The following LIPF variants were observed in gnomAD, a reference collection of about 807,000 sequenced individuals.
LIPF encodes the protein lipase F, gastric type, also known as gastric triacylglycerol lipase.
In LIPF, 25 loss-of-function variants were observed where a neutral mutation model predicts 38.0. The ratio of observed to expected loss-of-function variants is 0.66; its 90% CI spans 0.48 to 0.92. The LOEUF (loss-of-function observed/expected upper bound fraction) is 0.92, where lower values mean the gene tolerates loss of function less well. LIPF is among the 40% of genes least tolerant of loss of function. The pLI is 0.00. For missense variants in LIPF, 410 were observed against 469.9 expected (o/e 0.87, Z 1.18); for synonymous variants, 161 against 156.2 (o/e 1.03, Z -0.23).
intron 3 of LIPF, among the ~76,000 whole-genome samples, chr10:88,668,298 T>A (rs1841544533): frequency 6.6e-6 from 1 of 152,210 alleles, no homozygotes; most frequent in Non-Finnish European, 1.5e-5. Context: ...AGAATATAAT[T>A]TTTTCAATAG....
chr10:88,671,282 T>C (rs1253209299), intron 5 of LIPF, among the ~76,000 whole-genome samples: 1 of 152,206 alleles, frequency 6.6e-6, no homozygotes, highest in Non-Finnish European at 1.5e-5. Context: ...AACAATCTAA[T>C]GAAGCACTCA....
intron 1 of LIPF, among the ~76,000 whole-genome samples, chr10:88,665,132 T>G (rs1381858359): frequency 1.3e-5 from 2 of 152,170 alleles, no homozygotes; most frequent in Non-Finnish European, 2.9e-5. Flanking sequence ...CTCCACTACT[T>G]TCTATATATT....
chr10:88,664,831 T>C (rs1343707502), intron 1 of LIPF, among the ~76,000 whole-genome samples: 2 of 152,238 alleles, frequency 1.3e-5, no homozygotes, highest in Non-Finnish European at 2.9e-5. Flanking sequence ...TGAGAAGGAA[T>C]AGATCAGTAA....
chr10:88,666,641 G>A (rs1403964577), intron 1 of LIPF, among the ~76,000 whole-genome samples: 1 of 152,092 alleles, frequency 6.6e-6, no homozygotes, highest in Non-Finnish European at 1.5e-5. Flanking sequence ...AAGATACCTT[G>A]AGGCCAGGAG....
chr10:88,667,489 TA>T, intron 2 of LIPF, 79 bp from the exon 3 acceptor site: 1 of 1,056,076 alleles, frequency 9.5e-7, no homozygotes, highest in South Asian at 1.4e-5. Flanking sequence ...TATGACCAAT[TA>T]AAAATAAACA....
intron 3 of LIPF, among the ~76,000 whole-genome samples, chr10:88,668,114 A>C (rs965061520): frequency 2.0e-5 from 3 of 152,116 alleles, no homozygotes; most frequent in African/African-American, 7.2e-5. Context: ...AAGATGGGGA[A>C]CCAATTCAAG....
At chr10:88,678,077 A>T (rs1247022765) in intron 9 of LIPF, among the ~76,000 whole-genome samples, 2 of 152,168 alleles carry the variant, frequency 1.3e-5, no homozygotes, top group Non-Finnish European at 2.9e-5. Context: ...TTGAGTTGCA[A>T]TCTATGTTCT....
chr10:88,675,761 T>G, intron 8 of LIPF, 104 bp downstream of exon 8: 1 of 704,710 alleles, frequency 1.4e-6, no homozygotes, highest in Non-Finnish European at 2.4e-6. Context: ...ACCTGGAAGG[T>G]AATTTTTCTG....
At chr10:88,676,923 G>A (rs17333942) in intron 9 of LIPF, among the ~76,000 whole-genome samples, 1,747 of 152,272 alleles carry the variant, frequency 0.011, 20 homozygotes, top group South Asian at 0.014. Flanking sequence ...TTGTTGACAG[G>A]ATTTAGTGCT....
intron 3 of LIPF, 126 bp from the exon 4 acceptor site, chr10:88,668,432 C>A: frequency 1.2e-6 from 1 of 821,852 alleles, no homozygotes; most frequent in African/African-American, 1.7e-5. Context: ...ATAAGATATT[C>A]AAAAATAATC....
rs1841286713 is a variant in LIPF, at chr10:88,669,909, GCTACA to G, written c.499_503del (p.His167CysfsTer22). ...TTGTAAAGAAAACTGGACAGAAGCA[GCTACA>G]CTATGTTGGCCATTCCCAGGGCACC... On this transcript the variant is annotated frameshift_variant, in exon 5 of 10. Transcript: ENST00000238983. LOFTEE classifies it high-confidence loss of function. 6.2e-7 allele frequency: 1 copy of G among 1,613,432 alleles called. No individual in the cohort carries two copies. The highest frequency in any genetic ancestry group is 8.5e-7 in the Non-Finnish European group (1 of 1,179,502).
rs1317243167 is a variant in LIPF at position 88,678,587 on chromosome 10, C to T, written c.1103C>T (p.Pro368Leu). 1 of 1,613,908 alleles carries T rather than the reference C, an allele frequency of 6.2e-7. No individual in the cohort carries two copies. Among genetic ancestry groups the T allele is most frequent in the Admixed American group, 1.7e-5 (1 of 59,994 alleles). Reference sequence around the variant, plus strand: ...AATCTTATTTACCACAAGGAGATTCCTTTTTACAATCACTTGGACTTTATC... The same window carrying T: ...AATCTTATTTACCACAAGGAGATTCTTTTTTACAATCACTTGGACTTTATC... ...LPNLIYHKEI[P>L]FYNHLDFIWA... The change falls in exon 10 of 10, where the codon CCT (proline) becomes CTT (leucine). Residue 368 changes from proline (P) to leucine (L), a missense_variant. Transcript: ENST00000238983.
At position 88,678,539 on chromosome 10, in the gene LIPF, G is replaced by A; in HGVS notation, c.1055G>A (p.Gly352Asp). 6.2e-7 allele frequency: 1 copy of A among 1,613,966 alleles called. No homozygotes were observed. Among genetic ancestry groups the A allele is most frequent in the Non-Finnish European group, 8.5e-7 (1 of 1,179,926 alleles). ...KDLLADPQDV[G>D]LLLPKLPNLI... ...CTGTTGGCTGACCCCCAAGATGTTG[G>A]CCTTTTGCTTCCAAAACTCCCCAAT... The change falls in exon 10 of 10, where the codon GGC (glycine) becomes GAC (aspartate). Residue 352 changes from glycine (G) to aspartate (D), a missense_variant. Gly to Asp is a moderately conservative substitution (Grantham distance 94). Transcript: ENST00000238983.
At chr10:88,669,807 T>C in intron 4 of LIPF, 30 bp from the exon 5 acceptor site, 3 of 1,418,334 alleles carry the variant, frequency 2.1e-6, no homozygotes, top group Non-Finnish European at 9.9e-7. Context: ...AGGAAATGTA[T>C]TCACTTTCAT....
intron 7 of LIPF, among the ~76,000 whole-genome samples, chr10:88,674,303 G>GA (rs1214630053): frequency 6.6e-6 from 1 of 152,138 alleles, no homozygotes; most frequent in Admixed American, 6.6e-5. Flanking sequence ...CGAGTAGCTG[G>GA]AACTACAGGC....
In LIPF at chr10:88,667,334, G is replaced by A. The variant is rs1841526543; in HGVS notation, c.37G>A (p.Val13Ile). The A allele has an allele frequency of 3.7e-6, 6 of 1,613,566 alleles. No individual in the cohort carries two copies. The East Asian group carries it at 8.9e-5, about 24-fold the overall frequency. The change falls in exon 2 of 10, where the codon GTA (valine) becomes ATA (isoleucine). Residue 13 changes from valine (V) to isoleucine (I), a missense_variant. By Grantham distance (29) the Val-to-Ile change is conservative. Transcript: ENST00000238983. ...LLLTMASLISVLGTTHGLFGK... is the reference protein window; with the variant it reads ...LLLTMASLISILGTTHGLFGK... ...TTTAACAATGGCAAGTTTGATATCT[G>A]TACTGGGGACTACACATGGTTTGTT...
At chr10:88,665,296 A>C (rs765519055) in intron 1 of LIPF, among the ~76,000 whole-genome samples, 4 of 152,152 alleles carry the variant, frequency 2.6e-5, no homozygotes, top group Non-Finnish European at 5.9e-5. Context: ...CAGCATGTTA[A>C]GAACTTTACT....
intron 5 of LIPF, among the ~76,000 whole-genome samples, chr10:88,671,087 T>G (rs1841589595): frequency 6.6e-6 from 1 of 152,208 alleles, no homozygotes; most frequent in African/African-American, 2.4e-5. Flanking sequence ...GCGTTAAACT[T>G]GATAACTACT....
chr10:88,672,012 C>G (rs1841605897), intron 6 of LIPF, 47 bp downstream of exon 6: 5 of 1,515,398 alleles, frequency 3.3e-6, no homozygotes, highest in Non-Finnish European at 4.5e-6. Context: ...CTTGATTGCC[C>G]ATGGATTTTA....
Sources: allele counts gnomAD v4.1 joint callset (sites outside exome capture counted in the v4.1 genomes callset), GRCh38; gene constraint gnomAD v4.1.1; transcripts MANE v1.5; gene names NCBI Gene and HGNC (gene_info 2026-07-23, HGNC 2026-07-21).